IGSF10: variants seen among roughly 807,000 people sequenced by gnomAD.
IGSF10 encodes immunoglobulin superfamily member 10, also known as calvaria mechanical force protein 608.
Under a neutral mutation model 128.2 loss-of-function variants are expected in IGSF10, and 126 were observed. That is an observed-to-expected ratio of 0.98 (90% confidence interval 0.85 to 1.14). IGSF10 has a LOEUF of 1.14. IGSF10 is among the 50% of genes most tolerant of loss of function. IGSF10 has a pLI of 0.00. For synonymous variants in IGSF10, 1,185 were observed against 1,146.2 expected, an observed-to-expected ratio of 1.03 and a Z score of -0.68; for missense variants, 3,295 against 3,149.8, an observed-to-expected ratio of 1.05 and a Z score of -1.10.
the IGSF10 span, among the ~76,000 whole-genome samples, chr3:151,562,779 G>A: frequency 1.3e-5 from 2 of 152,066 alleles, no homozygotes; most frequent in South Asian, 2.1e-4. Flanking sequence ...AATGCACCAT[G>A]TCCAAGAGCC....
the IGSF10 span, among the ~76,000 whole-genome samples, chr3:151,541,322 G>A: frequency 4.6e-5 from 7 of 152,134 alleles, no homozygotes; most frequent in African/African-American, 1.4e-4. Flanking sequence ...TACATTATAT[G>A]GGAGGCTAAC....
At chr3:151,566,258 A>T in the IGSF10 span, among the ~76,000 whole-genome samples, 1 of 151,998 alleles carries the variant, frequency 6.6e-6, no homozygotes, top group African/African-American at 2.4e-5. Flanking sequence ...CTACCCCACA[A>T]ATGATAGATT....
the IGSF10 span, among the ~76,000 whole-genome samples, chr3:151,469,473 G>A: frequency 2.0e-5 from 3 of 152,194 alleles, no homozygotes; most frequent in African/African-American, 7.2e-5. Context: ...ACTTGTTAGG[G>A]TGAGATTTAC....
chr3:151,484,430 G>A, the IGSF10 span, among the ~76,000 whole-genome samples: 1 of 152,154 alleles, frequency 6.6e-6, no homozygotes, highest in African/African-American at 2.4e-5. Context: ...GGATCTCTCA[G>A]CACAGTGTTT....
At chr3:151,514,855 A>C in the IGSF10 span, among the ~76,000 whole-genome samples, 2 of 152,208 alleles carry the variant, frequency 1.3e-5, no homozygotes, top group African/African-American at 2.4e-5. Context: ...CAGCCAAAAA[A>C]CACGTGAAAA....
chr3:151,549,007 T>G, the IGSF10 span, among the ~76,000 whole-genome samples: 1 of 152,180 alleles, frequency 6.6e-6, no homozygotes, highest in Non-Finnish European at 1.5e-5. Context: ...TTAGTAATCA[T>G]TTTTGTTCAC....
At chr3:151,434,693 G>A (rs373945485), downstream of IGSF10, 25 of 152,322 alleles carry the variant, frequency 1.6e-4, no homozygotes, top group East Asian at 1.2e-3. Context: ...TAGTGAGTGA[G>A]TCATGTTCCA....
the IGSF10 span, among the ~76,000 whole-genome samples, chr3:151,526,305 C>A: frequency 1.3e-5 from 2 of 150,376 alleles, no homozygotes. Flanking sequence ...CCAGACCTTT[C>A]TTCTTGTCAT....
chr3:151,594,165 A>C, the IGSF10 span, among the ~76,000 whole-genome samples: 1 of 152,112 alleles, frequency 6.6e-6, no homozygotes, highest in Non-Finnish European at 1.5e-5. Context: ...ACTCTTTGGA[A>C]GCCTTGTCCT....
chr3:151,500,105 T>C, the IGSF10 span, among the ~76,000 whole-genome samples: 3 of 152,310 alleles, frequency 2.0e-5, no homozygotes, highest in African/African-American at 7.2e-5. Flanking sequence ...TATTTATCCA[T>C]TGTAGCCAAC....
chr3:151,512,762 T>TA, the IGSF10 span, among the ~76,000 whole-genome samples: 3 of 151,844 alleles, frequency 2.0e-5, no homozygotes, highest in East Asian at 5.8e-4. Flanking sequence ...ATAGACGCAA[T>TA]AAAAAATGAC....
At position 151,446,746 on chromosome 3, in the gene IGSF10, A is replaced by G. The variant is rs771189211; in HGVS notation, c.3235T>C (p.Leu1079=). The G allele has an allele frequency of 3.1e-6, 5 of 1,614,144 alleles. No individual in the cohort carries two copies. Among genetic ancestry groups the G allele is most frequent in the South Asian group, 1.1e-5 (1 of 91,082 alleles). The change falls in exon 6 of 8, where the codon TTG becomes CTG. Residue 1079 remains leucine, a synonymous_variant. Transcript: ENST00000282466. ...ATGGGAGCAGCACTTGGAAAAGACAATGCTGCTGTGGCAGTGGTGAGCCTC... is the reference window on the plus strand; with the variant it reads ...ATGGGAGCAGCACTTGGAAAAGACAGTGCTGCTGTGGCAGTGGTGAGCCTC... The part of the protein sequence containing the change: ...RERLTTATAA[L]SFPSAAPITF...
the IGSF10 span, among the ~76,000 whole-genome samples, chr3:151,511,161 G>A: frequency 6.6e-6 from 1 of 152,098 alleles, no homozygotes; most frequent in Admixed American, 6.6e-5. Flanking sequence ...ACACATAATT[G>A]TCAGATTCAC....
chr3:151,607,431 C>T, the IGSF10 span, among the ~76,000 whole-genome samples: 1 of 151,836 alleles, frequency 6.6e-6, no homozygotes, highest in Non-Finnish European at 1.5e-5. Flanking sequence ...ACAACTAGTG[C>T]CCTGTCCACA....
At position 151,437,908 on chromosome 3, in the gene IGSF10, G is replaced by A; in HGVS notation, c.6653C>T (p.Pro2218Leu). ...GTACATTTTGGTGTCATCCCCACTG[G>A]GATTTCGGGCTACACATACGTACTC... Reference protein sequence around the residue: ...SGEYVCVARNPSGDDTKMYKL... With the variant: ...SGEYVCVARNLSGDDTKMYKL... Residue 2218 changes from proline to leucine, a missense_variant, in exon 8 of 8, where the codon CCC (proline) becomes CTC (leucine). By Grantham distance (98) the Pro-to-Leu change is moderately conservative (BLOSUM62 -3). Coordinates refer to ENST00000282466, the MANE Select transcript of IGSF10 (RefSeq NM_178822.5). 6.2e-7 allele frequency: 1 copy of A among 1,614,018 alleles called. No individual in the cohort carries two copies. Among genetic ancestry groups the A allele is most frequent in the Non-Finnish European group, 8.5e-7 (1 of 1,179,952 alleles).
rs201962174 is a variant in IGSF10, at chr3:151,437,634, G to C, written c.6927C>G (p.Ala2309=). The change falls in exon 8 of 8, where the codon GCC becomes GCG. Residue 2309 remains alanine, a synonymous_variant. Coordinates refer to ENST00000282466, the MANE Select transcript of IGSF10 (RefSeq NM_178822.5). ...CATTTCGGGCCACACAGATAAAGTC[G>C]GCTGAATCTGAAAGCCTCACATTCC... The part of the protein sequence containing the change: ...EIRNVRLSDS[A]DFICVARNEG... 3.1e-6 allele frequency: 5 copies of C among 1,613,984 alleles called. No individual in the cohort carries two copies. Among genetic ancestry groups the C allele is most frequent in the African/African-American group, 1.3e-5 (1 of 74,874 alleles).
chr3:151,556,020 C>T, the IGSF10 span, among the ~76,000 whole-genome samples: 2 of 152,164 alleles, frequency 1.3e-5, no homozygotes, highest in African/African-American at 2.4e-5. Context: ...ACTGAACCCT[C>T]ACTACTTGTA....
downstream of IGSF10, chr3:151,433,941 TAA>T (rs1278256043): frequency 1.3e-5 from 2 of 152,682 alleles, no homozygotes; most frequent in Non-Finnish European, 2.9e-5. Context: ...GTAACTATTT[TAA>T]CTTTGTTCAA....
At chr3:151,496,438 A>G in the IGSF10 span, among the ~76,000 whole-genome samples, 3 of 145,082 alleles carry the variant, frequency 2.1e-5, no homozygotes, top group Non-Finnish European at 4.5e-5. Context: ...GAGTGAGAAC[A>G]TGCGGTGTTT....
Sources: gnomAD v4.1 joint callset for allele counts (sites outside exome capture counted in the v4.1 genomes callset) on GRCh38, gnomAD v4.1.1 for gene constraint, MANE v1.5 for transcripts, NCBI Gene and HGNC (gene_info 2026-07-23, HGNC 2026-07-21) for gene names.